Variants in BAIAP2 observed in about 807,000 individuals in gnomAD.
The protein encoded by BAIAP2 is BAR/IMD domain-containing adapter protein 2.
Under a neutral mutation model 63.0 loss-of-function variants are expected in BAIAP2, and 18 were observed. The observed-to-expected ratio is 0.29, with a 90% CI of 0.20 to 0.42. The LOEUF is 0.42. BAIAP2 is among the 10% of genes least tolerant of loss of function. The pLI, the probability that BAIAP2 is intolerant of heterozygous loss-of-function variation, is 1.00. For synonymous variants in BAIAP2, 386 were observed against 307.6 expected (o/e 1.25, Z -2.67); for missense variants, 610 against 734.3 (o/e 0.83, Z 1.96).
chr17:81,073,695 T>G (rs1420120834), intron 3 of BAIAP2, among the ~76,000 whole-genome samples: 1 of 151,790 alleles, frequency 6.6e-6, no homozygotes, highest in Non-Finnish European at 1.5e-5. Context: ...AGATTCACGC[T>G]CTCTCTCAGG....
intron 3 of BAIAP2, among the ~76,000 whole-genome samples, chr17:81,062,766 T>G (rs2050797768): frequency 6.6e-6 from 1 of 151,674 alleles, no homozygotes. Context: ...TCTGCCATTG[T>G]CTCTGCTGGT....
chr17:81,088,585 C>T (rs945886675), intron 6 of BAIAP2, among the ~76,000 whole-genome samples: 2 of 152,216 alleles, frequency 1.3e-5, no homozygotes, highest in African/African-American at 2.4e-5. Context: ...GGACATTCTG[C>T]GTAGCTGGAA....
chr17:81,071,259 T>C lies in BAIAP2; in HGVS notation c.217+13292T>C, dbSNP rs140721383. 7.7e-4 allele frequency among the ~76,000 whole-genome samples: 117 copies of C among 152,276 alleles called. 1 individual carries two copies. In the East Asian group the frequency reaches 0.021, roughly 28 times the overall value. ...GGAGTCACCCCCGAGGTGGCGTCCT[T>C]GGGCTTTGGGTCAGCACTGGATCTG... On this transcript the variant is annotated intron_variant, in intron 3 of 13. Transcript: ENST00000428708.
intron 8 of BAIAP2, 55 bp downstream of exon 8, chr17:81,103,778 T>C (rs2058791652): frequency 1.9e-6 from 3 of 1,566,740 alleles, no homozygotes; most frequent in Non-Finnish European, 2.6e-6. Flanking sequence ...GGCAGCTTGT[T>C]GTCAGGGCGG....
intron 6 of BAIAP2, chr17:81,086,996 T>G (rs2055776858): frequency 5.5e-6 from 1 of 180,214 alleles, no homozygotes; most frequent in Non-Finnish European, 1.2e-5. Context: ...CGGTGTTGTT[T>G]CTCTCACCGT....
intron 10 of BAIAP2, chr17:81,105,062 C>CTT (rs2058983102): frequency 1.4e-5 from 3 of 222,088 alleles, no homozygotes; most frequent in Non-Finnish European, 2.8e-5. Flanking sequence ...TGGCAGGGGT[C>CTT]TCCCCCCAAT....
At chr17:81,044,664 G>A (rs575929611) in intron 1 of BAIAP2, among the ~76,000 whole-genome samples, 2 of 152,232 alleles carry the variant, frequency 1.3e-5, no homozygotes, top group African/African-American at 4.8e-5. Flanking sequence ...TGGAGGGGCC[G>A]AGTCTCCCAT....
At chr17:81,115,528 G>A (rs377370482) in intron 13 of BAIAP2, among the ~76,000 whole-genome samples, 7 of 152,170 alleles carry the variant, frequency 4.6e-5, no homozygotes, top group African/African-American at 1.7e-4. Context: ...GTGATGGATC[G>A]GGGTGGGGGC....
In BAIAP2 at chr17:81,035,212, G is replaced by A; in HGVS notation, c.-43G>A. ...GTTACCGCCGCTGCTGCCGCCGCTT[G>A]CGTCCCCCGCTCCGGTCTGTGGTGC... On this transcript the variant is annotated 5_prime_UTR_variant, in exon 1 of 14. Coordinates refer to ENST00000428708, the MANE Select transcript of BAIAP2 (RefSeq NM_001144888.2). The A allele has an allele frequency of 6.9e-7, 1 of 1,451,724 alleles. No homozygotes were observed. The highest frequency in any genetic ancestry group is 9.2e-7 in the Non-Finnish European group (1 of 1,090,154). The allele number at this position is 1,451,724 out of a possible 1,614,324, so 89.9% of individuals were successfully genotyped here.
intron 13 of BAIAP2, chr17:81,111,069 G>T (rs1483879355): frequency 1.5e-6 from 2 of 1,359,102 alleles, no homozygotes; most frequent in South Asian, 1.2e-5. Flanking sequence ...TGCATGGCGG[G>T]GCCAGGGGTC....
chr17:81,107,099 G>A (rs1044895958), intron 12 of BAIAP2, 192 bp downstream of exon 12: 14 of 652,338 alleles, frequency 2.1e-5, no homozygotes, highest in African/African-American at 1.3e-4. Context: ...TGCCCGCCTC[G>A]CCGCAGCAGG....
In BAIAP2 at chr17:81,038,445, G is replaced by C. The variant is rs538077399; in HGVS notation, c.54+3137G>C. Among the ~76,000 whole-genome samples the C allele has an allele frequency of 7.2e-5, 11 of 152,370 alleles. No homozygotes were observed. The South Asian group carries it at 1.2e-3, about 17-fold the overall frequency. On this transcript the variant is annotated intron_variant, in intron 1 of 13. Transcript: ENST00000428708. ...TGCCATTGGCCCACAGCCTGTCCTA[G>C]AATATGTGAGGTTGAGAGAGCATCT...
In BAIAP2 at chr17:81,057,934, C is replaced by T; in HGVS notation, c.184C>T (p.Leu62=). The T allele has an allele frequency of 1.9e-6, 3 of 1,543,642 alleles. No individual in the cohort carries two copies. Among genetic ancestry groups the T allele is most frequent in the Non-Finnish European group, 2.6e-6 (3 of 1,141,258 alleles). ...TGACGCCCTGGTGAAGATGGGGGAG[C>T]TGGCCAGCGAGAGCCAGGGCTCCAA... is the stretch of plus-strand genomic sequence containing the variant. ...YFDALVKMGE[L]ASESQGSKEL... Residue 62 remains leucine (L), a synonymous_variant, in exon 3 of 14, where the codon CTG becomes TTG. Coordinates refer to ENST00000428708, the MANE Select transcript of BAIAP2 (RefSeq NM_001144888.2).
intron 1 of BAIAP2, among the ~76,000 whole-genome samples, chr17:81,038,895 C>T (rs2046675606): frequency 2.5e-5 from 1 of 40,084 alleles, no homozygotes; most frequent in African/African-American, 9.2e-5. Context: ...AGTCGCCTTC[C>T]TGGGTGGGGG....
intron 1 of BAIAP2, 111 bp from the exon 2 acceptor site, chr17:81,053,557 C>A: frequency 1.8e-6 from 2 of 1,121,090 alleles, no homozygotes; most frequent in Non-Finnish European, 2.7e-6. Context: ...TTTGTGGTGT[C>A]GACCCCCAGG....
chr17:81,086,763 C>T (rs1329849736), intron 6 of BAIAP2, among the ~76,000 whole-genome samples, 183 bp downstream of exon 6: 2 of 152,230 alleles, frequency 1.3e-5, no homozygotes, highest in Non-Finnish European at 2.9e-5. Context: ...GTGGGATGGT[C>T]GGCTCACCTG....
In BAIAP2 at chr17:81,053,443, C is replaced by T. The variant is rs2048990711; in HGVS notation, c.55-225C>T. ...CTCTGCGGCCGGGTTTCTTCTTACC[C>T]CCTTTGCACAGGTGTGAAAACCGAG... On this transcript the variant is annotated intron_variant, in intron 1 of 13. Coordinates refer to ENST00000428708, the MANE Select transcript of BAIAP2 (RefSeq NM_001144888.2). 5.2e-6 allele frequency: 3 copies of T among 573,796 alleles called. No individual in the cohort carries two copies. In the South Asian group the frequency reaches 6.2e-5, roughly 12 times the overall value. The allele number at this position is 573,796 out of a possible 1,614,324, so 35.5% of individuals were successfully genotyped here.
At position 81,104,094 on chromosome 17, in the gene BAIAP2, A is replaced by C; in HGVS notation, c.1052A>C (p.Asn351Thr). The C allele has an allele frequency of 1.2e-6, 2 of 1,613,194 alleles. No individual in the cohort carries two copies. Among genetic ancestry groups the C allele is most frequent in the Non-Finnish European group, 1.7e-6 (2 of 1,179,972 alleles). The change falls in exon 9 of 14, where the codon AAC (asparagine) becomes ACC (threonine). Residue 351 changes from asparagine to threonine, a missense_variant. Physicochemically the swap from Asn to Thr is moderately conservative, Grantham distance 65. Transcript: ENST00000428708. The part of the protein sequence containing the change: ...LPVRKSVTPK[N>T]SYATTENKTL... ...GTGCGCAAGAGCGTGACCCCAAAAA[A>C]CAGCTATGCCACCAGTAAGGGCTCC...
In BAIAP2 at chr17:81,106,734, T is replaced by G. The variant is rs1436481985; in HGVS notation, c.1338-11T>G. On this transcript the variant is annotated splice_polypyrimidine_tract_variant and intron_variant, in intron 11 of 13. Coordinates refer to ENST00000428708, the MANE Select transcript of BAIAP2 (RefSeq NM_001144888.2). Reference sequence around the variant, plus strand: ...GCCTGCTGGGCCGCCTCTGAGTCCCTGTCCCTACAGCCTGCAGCAAGGGAA... The same window carrying G: ...GCCTGCTGGGCCGCCTCTGAGTCCCGGTCCCTACAGCCTGCAGCAAGGGAA... 1.2e-6 allele frequency: 2 copies of G among 1,612,358 alleles called. No individual in the cohort carries two copies. The highest frequency in any genetic ancestry group is 1.7e-6 in the Non-Finnish European group (2 of 1,179,718).
Sources: allele counts gnomAD v4.1 joint callset (sites outside exome capture counted in the v4.1 genomes callset), GRCh38; gene constraint gnomAD v4.1.1; transcripts MANE v1.5; gene names NCBI Gene and HGNC (gene_info 2026-07-23, HGNC 2026-07-21).